Variants in LINGO2 observed in about 807,000 individuals in gnomAD.
The protein encoded by LINGO2 is leucine rich repeat and Ig domain containing 2, also known as leucine-rich repeat and immunoglobulin-like domain-containing nogo receptor-interacting protein 2.
A neutral mutation model predicts 30.6 loss-of-function variants in LINGO2; 14 were observed. That is an observed-to-expected ratio of 0.46 (90% CI 0.30 to 0.72). LINGO2 has a LOEUF of 0.72. Among genes scored for constraint, LINGO2 ranks in the 30% least tolerant of loss-of-function variants. LINGO2 has a pLI of 0.07. For missense variants in LINGO2, 729 were observed against 751.7 expected (o/e 0.97, Z 0.35); for synonymous variants, 317 against 288.5 (o/e 1.10, Z -1.00).
chr9:28,615,695 C>T (rs1826105232), intron 1 of LINGO2, among the ~76,000 whole-genome samples: 1 of 152,046 alleles, frequency 6.6e-6, no homozygotes, highest in African/African-American at 2.4e-5. Context: ...ATTTTGTCCA[C>T]TGGATTGGTA....
At chr9:28,809,010 A>C in the LINGO2 span, among the ~76,000 whole-genome samples, 1 of 152,188 alleles carries the variant, frequency 6.6e-6, no homozygotes, top group Non-Finnish European at 1.5e-5. Context: ...TATTTTTATC[A>C]TTATACTATA....
At position 28,189,778 on chromosome 9, in the gene LINGO2, T is replaced by C. The variant is rs914028749; in HGVS notation, c.-87+105430A>G. On this transcript the variant is annotated intron_variant, in intron 4 of 5. Coordinates refer to ENST00000379992, the Ensembl canonical transcript of LINGO2. Reference sequence around the variant, plus strand: ...TGCTTTACTAGTGCCTGATATTCCCTGGAGAACCAAAAGCTTGAAGCAGTT... The same window carrying C: ...TGCTTTACTAGTGCCTGATATTCCCCGGAGAACCAAAAGCTTGAAGCAGTT... 2.6e-5 allele frequency among the ~76,000 whole-genome samples: 4 copies of C among 151,936 alleles called. No homozygotes were observed. The South Asian group carries it at 8.3e-4, about 32-fold the overall frequency.
rs112226164 is a variant in LINGO2 at position 28,401,559 on chromosome 9, A to C, written c.-278-28691T>G. On this transcript the variant is annotated intron_variant, in intron 2 of 5. Coordinates refer to ENST00000379992, the Ensembl canonical transcript of LINGO2. ...ACTGATGGGCATTTGGGTTGGTTCC[A>C]TGTCTTTGCTATTGTAAATAGTGCT... Among the ~76,000 whole-genome samples, 943 of 152,206 alleles carry C rather than the reference A, an allele frequency of 6.2e-3. 9 individuals are homozygous for C. Among genetic ancestry groups the C allele is most frequent in the African/African-American group, 0.022 (912 of 41,518 alleles).
chr9:28,329,255 G>A lies in LINGO2; in HGVS notation c.-245-33889C>T. 6.6e-6 allele frequency among the ~76,000 whole-genome samples: 1 copy of A among 152,120 alleles called. No individual in the cohort carries two copies. The highest frequency in any genetic ancestry group is 1.9e-4 in the East Asian group (1 of 5,188). On this transcript the variant is annotated intron_variant, in intron 3 of 5. Coordinates refer to ENST00000379992, the Ensembl canonical transcript of LINGO2. This position sits in a 1 kb window ranked among gnomAD's most constrained non-coding sequence, Gnocchi z 4.5. ...TTTTGCCTCTGTCCAAAAGTGGGAA[G>A]AATGGTTCTCTCCATTTCTAGTCAT... is the stretch of plus-strand genomic sequence containing the variant.
intron 4 of LINGO2, among the ~76,000 whole-genome samples, chr9:28,127,737 G>A (rs894376248): frequency 6.6e-6 from 1 of 152,162 alleles, no homozygotes; most frequent in Non-Finnish European, 1.5e-5. Flanking sequence ...ATTCTTCACC[G>A]TTATGAACAG....
chr9:28,268,859 C>T (rs1188926054), intron 4 of LINGO2, among the ~76,000 whole-genome samples: 2 of 152,036 alleles, frequency 1.3e-5, no homozygotes, highest in African/African-American at 4.8e-5. Flanking sequence ...AGTTGAGTGT[C>T]ATCTAAATGG....
intron 4 of LINGO2, among the ~76,000 whole-genome samples, chr9:28,238,078 TACA>T (rs948974590): frequency 2.0e-5 from 3 of 151,762 alleles, no homozygotes. Context: ...GGCATAAGGA[TACA>T]ACAATTTTAA....
chr9:28,675,619 C>T, the LINGO2 span, among the ~76,000 whole-genome samples: 1 of 151,414 alleles, frequency 6.6e-6, no homozygotes, highest in Non-Finnish European at 1.5e-5. Context: ...GCCTGTAATC[C>T]TAGTACTTTG....
chr9:27,948,811 C>G, exon 6 of LINGO2: 1 of 1,566,342 alleles, frequency 6.4e-7, no homozygotes, highest in South Asian at 1.2e-5. Flanking sequence ...TTACTGATTA[C>G]CCACATTGAC....
chr9:29,102,612 C>T, the LINGO2 span, among the ~76,000 whole-genome samples: 1 of 152,070 alleles, frequency 6.6e-6, no homozygotes, highest in Non-Finnish European at 1.5e-5. Context: ...GTGTTTTTAT[C>T]TTAACCTGAA....
chr9:28,244,287 C>T (rs1201703771), intron 4 of LINGO2, among the ~76,000 whole-genome samples: 1 of 152,042 alleles, frequency 6.6e-6, no homozygotes, highest in African/African-American at 2.4e-5. Context: ...TGAGAACAAA[C>T]AGACAATGTA....
chr9:28,567,974 A>C (rs1204751825), intron 1 of LINGO2, among the ~76,000 whole-genome samples: 5 of 152,094 alleles, frequency 3.3e-5, no homozygotes, highest in African/African-American at 9.7e-5. Flanking sequence ...ATCCCACAAA[A>C]TAAAAGATTC....
intron 5 of LINGO2, among the ~76,000 whole-genome samples, chr9:27,992,348 A>G (rs905771775): frequency 2.0e-5 from 3 of 152,140 alleles, no homozygotes; most frequent in Admixed American, 1.3e-4. Context: ...GACTACATAA[A>G]TCATGATGTG....
the LINGO2 span, among the ~76,000 whole-genome samples, chr9:28,697,072 T>C: frequency 1.3e-5 from 2 of 151,974 alleles, no homozygotes; most frequent in Non-Finnish European, 2.9e-5. Context: ...TGGGGTGTCA[T>C]ATTCTTTGAA....
intron 4 of LINGO2, among the ~76,000 whole-genome samples, chr9:28,239,592 T>C (rs1385698410): frequency 6.6e-6 from 1 of 152,048 alleles, no homozygotes; most frequent in African/African-American, 2.4e-5. Context: ...CACGCCTTCA[T>C]AATAAAAACC....
chr9:28,220,634 G>A (rs190591398), intron 4 of LINGO2, among the ~76,000 whole-genome samples: 178 of 152,154 alleles, frequency 1.2e-3, no homozygotes, highest in Non-Finnish European at 1.9e-3. Context: ...TACTCATTTG[G>A]TGTGTTGGTT....
At chr9:28,444,712 G>T in intron 2 of LINGO2, among the ~76,000 whole-genome samples, 1 of 152,156 alleles carries the variant, frequency 6.6e-6, no homozygotes, top group Non-Finnish European at 1.5e-5. Flanking sequence ...GGTCCAACTG[G>T]AGCCTTGCAT....
the LINGO2 span, among the ~76,000 whole-genome samples, chr9:28,708,841 T>A: frequency 6.6e-6 from 1 of 151,280 alleles, no homozygotes; most frequent in Admixed American, 6.6e-5. Context: ...ATCTATCATC[T>A]ACATCTGTCC....
intron 2 of LINGO2, among the ~76,000 whole-genome samples, chr9:28,447,042 C>A (rs373136831): frequency 2.6e-5 from 4 of 152,130 alleles, no homozygotes; most frequent in African/African-American, 9.7e-5. Flanking sequence ...TGTCAATATC[C>A]CTTTGGCTGT....
Sources: allele counts gnomAD v4.1 joint callset (sites outside exome capture counted in the v4.1 genomes callset), GRCh38; gene constraint gnomAD v4.1.1; non-coding constraint Gnocchi (gnomAD v3.1); transcripts MANE v1.5; gene names NCBI Gene and HGNC (gene_info 2026-07-23, HGNC 2026-07-21).